DIS3L: variants seen among roughly 807,000 people sequenced by gnomAD.
The protein encoded by DIS3L is DIS3 like exosome 3'-5' exoribonuclease.
In DIS3L, 100 loss-of-function variants were observed where a neutral mutation model predicts 120.3. That is an observed-to-expected ratio of 0.83 (90% CI 0.71 to 0.98). The LOEUF (loss-of-function observed/expected upper bound fraction) is 0.98, where lower values mean the gene tolerates loss of function less well. Among genes scored for constraint, DIS3L ranks in the 50% least tolerant of loss-of-function variants. The pLI is 0.00. For missense variants in DIS3L, 1,196 were observed against 1,314.2 expected (o/e 0.91, Z 1.39); for synonymous variants, 426 against 470.6 (o/e 0.91, Z 1.23).
intron 4 of DIS3L, among the ~76,000 whole-genome samples, chr15:66,311,184 G>A (rs1234700634): frequency 6.6e-6 from 1 of 151,940 alleles, no homozygotes; most frequent in Non-Finnish European, 1.5e-5. Context: ...GCAACATAGT[G>A]AGACCTCATC....
At chr15:66,317,364 A>G (rs1437096513) in intron 7 of DIS3L, among the ~76,000 whole-genome samples, 1 of 148,580 alleles carries the variant, frequency 6.7e-6, no homozygotes, top group South Asian at 2.1e-4. Flanking sequence ...AAAAAAAAAG[A>G]AAAAAGAGAA....
chr15:66,309,602 T>C (rs186584010), intron 4 of DIS3L, among the ~76,000 whole-genome samples: 78 of 152,194 alleles, frequency 5.1e-4, no homozygotes, highest in Admixed American at 4.4e-3. Context: ...TTTAATCTTA[T>C]TGGTAAGGAA....
At chr15:66,294,508 C>G in intron 1 of DIS3L, 1 of 987,134 alleles carries the variant, frequency 1.0e-6, no homozygotes, top group Non-Finnish European at 1.2e-6. Flanking sequence ...GGTGGGAAAC[C>G]TCACCTCTGC....
intron 3 of DIS3L, among the ~76,000 whole-genome samples, chr15:66,307,823 G>A (rs1029567323): frequency 2.0e-5 from 3 of 152,166 alleles, no homozygotes; most frequent in Non-Finnish European, 4.4e-5. Context: ...TGAAGGATGT[G>A]CTGCTGCTGT....
Position 66,293,575 on chromosome 15 carries a change from G to C in DIS3L, c.-22G>C, listed in dbSNP as rs1036418729. On this transcript the variant is annotated 5_prime_UTR_variant, in exon 1 of 17. Transcript: ENST00000319212. Reference sequence around the variant, plus strand: ...GCCTCCGCCGCGCCCGCCACTCCGCGGCCGCCGGGAGACACGCCGCCATGC... The same window carrying C: ...GCCTCCGCCGCGCCCGCCACTCCGCCGCCGCCGGGAGACACGCCGCCATGC... 2.1e-6 allele frequency: 3 copies of C among 1,418,738 alleles called. No homozygotes were observed. Among genetic ancestry groups the C allele is most frequent in the East Asian group, 3.3e-5 (1 of 30,054 alleles). The allele number at this position is 1,418,738 out of a possible 1,614,324, so 87.9% of individuals were successfully genotyped here.
chr15:66,326,561 T>G, intron 12 of DIS3L, 197 bp downstream of exon 12: 1 of 638,792 alleles, frequency 1.6e-6, no homozygotes, highest in Non-Finnish European at 2.6e-6. Flanking sequence ...TATTTAGGCA[T>G]AATTTTGTTC....
At chr15:66,301,121 C>A (rs953504648) in intron 2 of DIS3L, among the ~76,000 whole-genome samples, 6 of 151,934 alleles carry the variant, frequency 3.9e-5, no homozygotes, top group Admixed American at 1.3e-4. Context: ...GTAAGGTCAC[C>A]ACTGAATAAA....
chr15:66,330,921 G>A (rs9888641), intron 14 of DIS3L, among the ~76,000 whole-genome samples: 38,856 of 152,066 alleles, frequency 0.26, 5,617 homozygotes, highest in South Asian at 0.33. Flanking sequence ...TTTCGAGGTC[G>A]AGGCCGGTGG....
intron 12 of DIS3L, among the ~76,000 whole-genome samples, chr15:66,326,720 C>G (rs1678723329): frequency 6.6e-6 from 1 of 151,954 alleles, no homozygotes; most frequent in Non-Finnish European, 1.5e-5. Context: ...GCTGGGACTA[C>G]AGGCACACGC....
intron 3 of DIS3L, among the ~76,000 whole-genome samples, chr15:66,307,635 TG>T (rs1310723657): frequency 6.6e-6 from 1 of 152,194 alleles, no homozygotes; most frequent in East Asian, 1.9e-4. Context: ...AAACTGAAAC[TG>T]GTCATTTAAT....
chr15:66,318,324 G>T, intron 7 of DIS3L, 125 bp from the exon 8 acceptor site: 2 of 1,040,610 alleles, frequency 1.9e-6, no homozygotes, highest in Non-Finnish European at 2.8e-6. Flanking sequence ...TGAGTTGGGT[G>T]GATGTGCTTG....
chr15:66,293,839 A>G, intron 1 of DIS3L, 104 bp downstream of exon 1: 1 of 1,025,872 alleles, frequency 9.7e-7, no homozygotes, highest in Non-Finnish European at 1.2e-6. Flanking sequence ...GGGGACACGG[A>G]GGCGTAGGCC....
intron 15 of DIS3L, 113 bp downstream of exon 15, chr15:66,332,133 T>A (rs2093005119): frequency 1.9e-6 from 2 of 1,069,070 alleles, no homozygotes; most frequent in Non-Finnish European, 2.6e-6. Flanking sequence ...TTATCATATG[T>A]ACATAATGTA....
At chr15:66,328,633 T>C (rs11632094) in intron 12 of DIS3L, among the ~76,000 whole-genome samples, 16,086 of 152,276 alleles carry the variant, frequency 0.11, 1,078 homozygotes, top group Non-Finnish European at 0.15. Flanking sequence ...TTATTTTACC[T>C]ATATATAGAA....
chr15:66,326,573 T>C lies in DIS3L; in HGVS notation c.2201+209T>C, dbSNP rs2092940584. The C allele has an allele frequency of 6.7e-6, 4 of 597,348 alleles. No individual in the cohort carries two copies. In the African/African-American group the frequency reaches 7.4e-5, roughly 11 times the overall value. The allele number at this position is 597,348 out of a possible 1,614,324, so 37.0% of individuals were successfully genotyped here. A position where few individuals can be genotyped will look rare whatever the true frequency, so the allele number is the denominator to read the frequency against. On this transcript the variant is annotated intron_variant, in intron 12 of 16. Transcript: ENST00000319212. ...GTTTATTTAGGCATAATTTTGTTCC[T>C]TGGTTTTTTGTTTCAATTTTTTTTT... is the stretch of plus-strand genomic sequence containing the variant.
chr15:66,309,926 C>T (rs988537489), intron 4 of DIS3L, among the ~76,000 whole-genome samples: 3 of 152,154 alleles, frequency 2.0e-5, no homozygotes, highest in African/African-American at 7.2e-5. Context: ...ACAGGAGTGG[C>T]ATTATCAGTG....
At chr15:66,319,830 A>G (rs1309245906) in intron 8 of DIS3L, among the ~76,000 whole-genome samples, 2 of 151,968 alleles carry the variant, frequency 1.3e-5, no homozygotes, top group Admixed American at 6.6e-5. Flanking sequence ...AGGTCTTCAA[A>G]GAGACCAGGC....
At chr15:66,315,445 C>T (rs1460585622) in intron 7 of DIS3L, among the ~76,000 whole-genome samples, 3 of 152,032 alleles carry the variant, frequency 2.0e-5, no homozygotes, top group Admixed American at 6.6e-5. Flanking sequence ...AGCTAATTAA[C>T]CTATGCATTA....
intron 2 of DIS3L, among the ~76,000 whole-genome samples, chr15:66,297,708 C>G (rs569820994): frequency 1.3e-5 from 2 of 152,062 alleles, no homozygotes; most frequent in Non-Finnish European, 2.9e-5. Context: ...TTCATTTTAT[C>G]CAATATGCTT....
Sources: allele counts gnomAD v4.1 joint callset (sites outside exome capture counted in the v4.1 genomes callset), GRCh38; gene constraint gnomAD v4.1.1; transcripts MANE v1.5; gene names NCBI Gene and HGNC (gene_info 2026-07-23, HGNC 2026-07-21).